Variants in FOCAD observed in about 807,000 individuals in gnomAD.
FOCAD encodes the protein KIAA1797.
Under a neutral mutation model 225.6 loss-of-function variants are expected in FOCAD, and 198 were observed. The ratio of observed to expected loss-of-function variants is 0.88; its 90% CI spans 0.78 to 0.99. The LOEUF is 0.99. FOCAD is among the 50% of genes least tolerant of loss of function. The pLI is 0.00. For synonymous variants in FOCAD, 897 were observed against 755.0 expected, an observed-to-expected ratio of 1.19 and a Z score of -3.08; for missense variants, 2,713 against 2,123.6, an observed-to-expected ratio of 1.28 and a Z score of -5.46.
intron 39 of FOCAD, among the ~76,000 whole-genome samples, chr9:20,984,868 T>A (rs528333161): frequency 7.2e-5 from 11 of 152,344 alleles, no homozygotes; most frequent in African/African-American, 2.6e-4. Flanking sequence ...TGGCATGATC[T>A]CAACTCACTG....
intron 18 of FOCAD, chr9:20,873,707 C>G (rs1194564796): frequency 6.6e-6 from 1 of 152,080 alleles, no homozygotes; most frequent in Non-Finnish European, 1.5e-5. Context: ...CATTTCTTTT[C>G]TGTTTCTTCT....
intron 4 of FOCAD, among the ~76,000 whole-genome samples, chr9:20,723,506 T>A (rs7032875): frequency 0.88 from 134,542 of 152,282 alleles, 59,587 homozygotes; most frequent in African/African-American, 0.94. Flanking sequence ...AAGAGAAAAG[T>A]AGTGTGTTTT....
At position 20,781,770 on chromosome 9, in the gene FOCAD, G is replaced by A; in HGVS notation, c.1038G>A (p.Lys346=). The change falls in exon 10 of 44, where the codon AAG becomes AAA. Residue 346 remains lysine, a synonymous_variant. Transcript: ENST00000338382. ...TTACTGAGGATCAGAAAATCCCAAA[G>A]TCCTCTCTGCTGCTAGTGATGCCAA... The part of the protein sequence containing the change: ...LSVTEDQKIP[K]SSLLLVMPIL... The A allele has an allele frequency of 6.2e-7, 1 of 1,614,058 alleles. No homozygotes were observed. The highest frequency in any genetic ancestry group is 8.5e-7 in the Non-Finnish European group (1 of 1,179,992).
Position 20,913,145 on chromosome 9 carries a change from T to C in FOCAD, c.2807+191T>C, listed in dbSNP as rs868183462. ...GAGAGCTTTATTTATAAATTATACA[T>C]ACACACACACACACACACACACACA... On this transcript the variant is annotated intron_variant, in intron 23 of 43. Transcript: ENST00000338382. 2.3e-3 allele frequency among the ~76,000 whole-genome samples: 315 copies of C among 137,328 alleles called. 2 individuals are homozygous for C. The highest frequency in any genetic ancestry group is 7.7e-3 in the African/African-American group (283 of 36,524). 90.1% of individuals were successfully genotyped at this position (137,328 alleles called of 152,430 possible). A position where few individuals can be genotyped will look rare whatever the true frequency, so the allele number is the denominator to read the frequency against.
chr9:20,736,677 G>A, intron 4 of FOCAD, among the ~76,000 whole-genome samples: 1 of 152,152 alleles, frequency 6.6e-6, no homozygotes, highest in Non-Finnish European at 1.5e-5. Context: ...TATAGTATAA[G>A]TTTTGAATTA....
At chr9:20,841,172 G>A (rs747146069) in intron 15 of FOCAD, among the ~76,000 whole-genome samples, 10 of 151,818 alleles carry the variant, frequency 6.6e-5, no homozygotes, top group Non-Finnish European at 1.5e-4. Flanking sequence ...ATATTGGCCT[G>A]TAATTTTCTT....
At chr9:20,825,270 C>T (rs1443673626) in intron 15 of FOCAD, among the ~76,000 whole-genome samples, 1 of 151,734 alleles carries the variant, frequency 6.6e-6, no homozygotes, top group African/African-American at 2.4e-5. Flanking sequence ...CTTGCCAGGC[C>T]ACATTTACTA....
rs1479585660 is a variant in FOCAD at position 20,800,654 on chromosome 9, T to C, written c.1455+11046T>C. On this transcript the variant is annotated intron_variant, in intron 11 of 43. Coordinates refer to ENST00000338382, the MANE Select transcript of FOCAD (RefSeq NM_001375567.1). ...GTTGATCGAATCGGCTACTGAGGCT[T>C]GTGCATTCGTCAAATAGTTCTCGTG... Among the ~76,000 whole-genome samples the C allele has an allele frequency of 4.6e-5, 7 of 152,196 alleles. 1 individual carries two copies. In the East Asian group the frequency reaches 1.4e-3, roughly 29 times the overall value.
intron 18 of FOCAD, among the ~76,000 whole-genome samples, chr9:20,867,585 A>G (rs1829399384): frequency 6.6e-6 from 1 of 152,016 alleles, no homozygotes; most frequent in Non-Finnish European, 1.5e-5. Context: ...TAGTTTTTAG[A>G]CTAAACTAAA....
At chr9:20,829,481 G>T in intron 15 of FOCAD, among the ~76,000 whole-genome samples, 1 of 151,682 alleles carries the variant, frequency 6.6e-6, no homozygotes, top group East Asian at 1.9e-4. Context: ...GTTTTCATTT[G>T]CATTTCCCCG....
intron 26 of FOCAD, 122 bp from the exon 27 acceptor site, chr9:20,929,236 A>G (rs1835236715): frequency 2.9e-6 from 2 of 692,580 alleles, no homozygotes; most frequent in Middle Eastern, 4.0e-4. Context: ...AAAATGTATT[A>G]TTTTGGGTGT....
intron 11 of FOCAD, among the ~76,000 whole-genome samples, chr9:20,815,210 C>A (rs1193138994): frequency 9.3e-5 from 13 of 139,126 alleles, no homozygotes; most frequent in Middle Eastern, 4.3e-3. Flanking sequence ...CCTCAGCTTG[C>A]TGCACCCTCT....
chr9:20,687,489 C>A (rs1357936724), intron 1 of FOCAD, among the ~76,000 whole-genome samples: 2 of 152,120 alleles, frequency 1.3e-5, no homozygotes, highest in South Asian at 4.1e-4. Flanking sequence ...TTTGGCCTAC[C>A]TGCTTTCATA....
At chr9:20,723,088 C>T (rs7046563) in intron 4 of FOCAD, among the ~76,000 whole-genome samples, 1 of 151,922 alleles carries the variant, frequency 6.6e-6, no homozygotes, top group South Asian at 2.1e-4. Context: ...TTAATTCTTC[C>T]TCCCTATTGT....
chr9:20,738,777 A>T (rs188327184), intron 4 of FOCAD, among the ~76,000 whole-genome samples: 1 of 152,220 alleles, frequency 6.6e-6, no homozygotes, highest in Non-Finnish European at 1.5e-5. Context: ...AATGCAAGCC[A>T]CATATGTAAT....
intron 24 of FOCAD, among the ~76,000 whole-genome samples, chr9:20,922,565 T>C (rs1223170865): frequency 6.6e-6 from 1 of 152,222 alleles, no homozygotes; most frequent in Non-Finnish European, 1.5e-5. Context: ...ATTGAGACTA[T>C]GGCTTGGGAC....
intron 1 of FOCAD, among the ~76,000 whole-genome samples, chr9:20,699,634 A>G (rs1823673447): frequency 1.4e-5 from 2 of 147,142 alleles, no homozygotes; most frequent in Admixed American, 6.8e-5. Context: ...GCTACTCAGG[A>G]GGCTGAGGCA....
chr9:20,922,275 C>G (rs973992749), intron 24 of FOCAD, among the ~76,000 whole-genome samples: 5 of 152,092 alleles, frequency 3.3e-5, no homozygotes, highest in African/African-American at 7.2e-5. Flanking sequence ...CTCCTCCAAC[C>G]CTCCCCATTA....
At chr9:20,681,571 TC>T (rs1194114182), upstream of FOCAD, among the ~76,000 whole-genome samples, 2 of 152,230 alleles carry the variant, frequency 1.3e-5, no homozygotes, top group African/African-American at 2.4e-5. Flanking sequence ...ACTTCTGAGA[TC>T]CTTTCTAGTT....
Sources: gnomAD v4.1 joint callset for allele counts (sites outside exome capture counted in the v4.1 genomes callset) on GRCh38, gnomAD v4.1.1 for gene constraint, MANE v1.5 for transcripts, NCBI Gene and HGNC (gene_info 2026-07-23, HGNC 2026-07-21) for gene names.